TDRD6: variants seen among roughly 807,000 people sequenced by gnomAD.
TDRD6 encodes tudor domain containing 6, also known as tudor domain-containing protein 6.
TDRD6 carries 186 observed loss-of-function variants against 157.5 expected under a neutral mutation model. The observed-to-expected ratio is 1.18, with a 90% CI of 1.05 to 1.33. The LOEUF (loss-of-function observed/expected upper bound fraction) is 1.33. Ranked by LOEUF, TDRD6 falls within the 40% of genes most tolerant of loss-of-function variation. The pLI, the probability that TDRD6 is intolerant of heterozygous loss-of-function variation, is 0.00. For missense variants in TDRD6, 3,066 were observed against 2,508.0 expected (o/e 1.22, Z -4.75); for synonymous variants, 1,075 against 945.2 (o/e 1.14, Z -2.52).
rs1357677088 is a variant in TDRD6 at position 46,687,910 on chromosome 6, G to C, written c.-219G>C. On this transcript the variant is annotated 5_prime_UTR_variant, in exon 1 of 4. Transcript: ENST00000316081. Reference sequence around the variant, plus strand: ...GTGCCCGGAAGCGCGACCTCGGGCGGTTGGAGGGGCTACCGGGTCTTACCA... The same window carrying C: ...GTGCCCGGAAGCGCGACCTCGGGCGCTTGGAGGGGCTACCGGGTCTTACCA... 3.1e-6 allele frequency: 2 copies of C among 642,212 alleles called. No individual in the cohort carries two copies. The highest frequency in any genetic ancestry group is 1.9e-5 in the African/African-American group (1 of 51,340). 39.8% of individuals were successfully genotyped at this position (642,212 alleles called of 1,614,324 possible).
In TDRD6 at chr6:46,703,200, G is replaced by C. The variant is rs990697521; in HGVS notation, c.*1313G>C. The C allele has an allele frequency of 6.6e-6, 1 of 152,042 alleles. No individual in the cohort carries two copies. Among genetic ancestry groups the C allele is most frequent in the African/African-American group, 2.4e-5 (1 of 41,424 alleles). The allele number at this position is 152,042 out of a possible 1,614,324, so 9.4% of individuals were successfully genotyped here. A position where few individuals can be genotyped will look rare whatever the true frequency, so the allele number is the denominator to read the frequency against. On this transcript the variant is annotated 3_prime_UTR_variant, in exon 4 of 4. Coordinates refer to ENST00000316081, the MANE Select transcript of TDRD6 (RefSeq NM_001010870.3). Reference sequence around the variant, plus strand: ...AAAAGGTTTGCTAAATGAGACTGGGGTAAAGGTGTATCTCTGTGAAGCATT... The same window carrying C: ...AAAAGGTTTGCTAAATGAGACTGGGCTAAAGGTGTATCTCTGTGAAGCATT...
rs745464205 is a variant in TDRD6, at chr6:46,691,710, T to G, written c.3582T>G (p.Tyr1194Ter). ...NENMKLPCTE[Y>*]LSKSVGYKLP... ...ATATGAAGTTGCCATGTACAGAGTA[T>G]TTAAGTAAATCAGTAGGGTACAAGT... Residue 1194 changes from tyrosine (Y) to a stop codon, truncating the protein, a stop_gained, in exon 1 of 4, where the codon TAT becomes TAG. Coordinates refer to ENST00000316081, the MANE Select transcript of TDRD6 (RefSeq NM_001010870.3). LOFTEE classifies it high-confidence loss of function. The G allele has an allele frequency of 6.2e-7, 1 of 1,607,594 alleles. No homozygotes were observed. Among genetic ancestry groups the G allele is most frequent in the South Asian group, 1.1e-5 (1 of 89,868 alleles).
chr6:46,683,456 T>C (rs1480377754), upstream of TDRD6, among the ~76,000 whole-genome samples: 2 of 151,958 alleles, frequency 1.3e-5, no homozygotes, highest in Non-Finnish European at 2.9e-5. Context: ...CAAAATAAAC[T>C]ACCATTTAGA....
intron 3 of TDRD6, among the ~76,000 whole-genome samples, chr6:46,700,522 T>C (rs1764599579): frequency 6.6e-6 from 1 of 152,208 alleles, no homozygotes; most frequent in Admixed American, 6.5e-5. Flanking sequence ...ATCTGAGTTA[T>C]TTTATTTTAC....
Position 46,690,987 on chromosome 6 carries a change from A to C in TDRD6, c.2859A>C (p.Glu953Asp). 6.2e-7 allele frequency: 1 copy of C among 1,614,116 alleles called. No homozygotes were observed. Among genetic ancestry groups the C allele is most frequent in the Non-Finnish European group, 8.5e-7 (1 of 1,179,994 alleles). The change falls in exon 1 of 4, where the codon GAA becomes GAC. Residue 953 changes from glutamate to aspartate, a missense_variant. Transcript: ENST00000316081. ...AGAGTGCATGCCATTTCTTGGTAGAAAAGAGACTTGCAAGACCAGTAAAAC... is the reference window on the plus strand; with the variant it reads ...AGAGTGCATGCCATTTCTTGGTAGACAAGAGACTTGCAAGACCAGTAAAAC... ...PFQSACHFLVEKRLARPVKLQ... is the reference protein window; with the variant it reads ...PFQSACHFLVDKRLARPVKLQ...
At position 46,689,397 on chromosome 6, in the gene TDRD6, G is replaced by T; in HGVS notation, c.1269G>T (p.Leu423=). 6.2e-7 allele frequency: 1 copy of T among 1,613,782 alleles called. No homozygotes were observed. The highest frequency in any genetic ancestry group is 8.5e-7 in the Non-Finnish European group (1 of 1,180,022). Residue 423 remains leucine (L), a synonymous_variant, in exon 1 of 4, where the codon CTG becomes CTT. Transcript: ENST00000316081. ...TTGAGCATGTGTATTATGTCAGCCT[G>T]TATGGAGAAGATGGGATTAATCTGA... ...CSFEHVYYVS[L]YGEDGINLNR...
rs780072705 is a variant in TDRD6, at chr6:46,688,143, C to G, written c.15C>G (p.Pro5=). 1.5e-4 allele frequency: 227 copies of G among 1,539,922 alleles called. 1 individual carries two copies. The highest frequency in any genetic ancestry group is 9.1e-4 in the Middle Eastern group (4 of 4,376). The change falls in exon 1 of 4, where the codon CCC becomes CCG. Residue 5 remains proline, a synonymous_variant. Coordinates refer to ENST00000316081, the MANE Select transcript of TDRD6 (RefSeq NM_001010870.3). ...GCGCCGTCAAGATGTGCTCGACGCC[C>G]GGAATGCCGGCGCCGGGGGCCTCGC... MCST[P]GMPAPGASLA...
chr6:46,703,184 G>C lies in TDRD6; in HGVS notation c.*1297G>C, dbSNP rs925129725. 6.6e-6 allele frequency: 1 copy of C among 152,180 alleles called. No homozygotes were observed. Among genetic ancestry groups the C allele is most frequent in the Non-Finnish European group, 1.5e-5 (1 of 67,950 alleles). 9.4% of individuals were successfully genotyped at this position (152,180 alleles called of 1,614,324 possible). A position where few individuals can be genotyped will look rare whatever the true frequency, so the allele number is the denominator to read the frequency against. Reference sequence around the variant, plus strand: ...TCTAAAATGAATAGGGAAAAGGTTTGCTAAATGAGACTGGGGTAAAGGTGT... The same window carrying C: ...TCTAAAATGAATAGGGAAAAGGTTTCCTAAATGAGACTGGGGTAAAGGTGT... On this transcript the variant is annotated 3_prime_UTR_variant, in exon 4 of 4. Coordinates refer to ENST00000316081, the MANE Select transcript of TDRD6 (RefSeq NM_001010870.3).
At chr6:46,698,345 A>T (rs113379149) in intron 3 of TDRD6, among the ~76,000 whole-genome samples, 10 of 152,228 alleles carry the variant, frequency 6.6e-5, no homozygotes, top group East Asian at 1.9e-4. Flanking sequence ...TACATATTAG[A>T]TGCAGAAAAC....
Position 46,692,289 on chromosome 6 carries a change from T to G in TDRD6, c.4161T>G (p.Phe1387Leu), listed in dbSNP as rs142766401. 1,960 of 1,614,184 alleles carry G rather than the reference T, an allele frequency of 1.2e-3. 6 individuals are homozygous for G. The highest frequency in any genetic ancestry group is 1.5e-3 in the Non-Finnish European group (1,782 of 1,180,012). ...CCAATGACCTTCTCTCTGTGCAGTT[T>G]ATAGATTATGGCAATGTTTCTGTGG... ...QQPNDLLSVQ[F>L]IDYGNVSVVH... The change falls in exon 1 of 4, where the codon TTT becomes TTG. Residue 1387 changes from phenylalanine (F) to leucine (L), a missense_variant. Transcript: ENST00000316081.
chr6:46,689,260 T>A lies in TDRD6; in HGVS notation c.1132T>A (p.Leu378Met). 6.2e-7 allele frequency: 1 copy of A among 1,614,040 alleles called. No individual in the cohort carries two copies. The highest frequency in any genetic ancestry group is 1.1e-5 in the South Asian group (1 of 91,062). ...GCCGGTGGTGACCTACCCTTGTGCTTTGTATGGACTCTGGGACGGTGGGAG... is the reference window on the plus strand; with the variant it reads ...GCCGGTGGTGACCTACCCTTGTGCTATGTATGGACTCTGGGACGGTGGGAG... ...RMPVVTYPCA[L>M]YGLWDGGRGW... Residue 378 changes from leucine (L) to methionine (M), a missense_variant, in exon 1 of 4, where the codon TTG becomes ATG. Physicochemically the swap from Leu to Met is conservative, Grantham distance 15. Coordinates refer to ENST00000316081, the MANE Select transcript of TDRD6 (RefSeq NM_001010870.3).
chr6:46,700,255 G>A (rs1254682660), intron 3 of TDRD6, among the ~76,000 whole-genome samples: 7 of 152,114 alleles, frequency 4.6e-5, no homozygotes, highest in African/African-American at 1.4e-4. Context: ...AACTACCTCT[G>A]GCTTTGACTA....
At position 46,694,148 on chromosome 6, in the gene TDRD6, A is replaced by G. The variant is rs761845673; in HGVS notation, c.6020A>G (p.Asn2007Ser). ...EEESSDGSKH[N>S]NGLPDHISAQ... is the part of the protein sequence containing the mutation. Reference sequence around the variant, plus strand: ...GAAAGCAGTGATGGAAGCAAGCACAATAATGGTTTACCAGATCATATCTCA... The same window carrying G: ...GAAAGCAGTGATGGAAGCAAGCACAGTAATGGTTTACCAGATCATATCTCA... The change falls in exon 1 of 4, where the codon AAT becomes AGT. Residue 2007 changes from asparagine to serine, a missense_variant. Physicochemically the swap from Asn to Ser is conservative, Grantham distance 46. Coordinates refer to ENST00000316081, the MANE Select transcript of TDRD6 (RefSeq NM_001010870.3). 2 of 1,574,356 alleles carry G rather than the reference A, an allele frequency of 1.3e-6. No individual in the cohort carries two copies. Among genetic ancestry groups the G allele is most frequent in the South Asian group, 1.2e-5 (1 of 83,612 alleles).
At position 46,698,040 on chromosome 6, in the gene TDRD6, G is replaced by A; in HGVS notation, c.6214G>A (p.Glu2072Lys). 6.2e-7 allele frequency: 1 copy of A among 1,611,686 alleles called. No homozygotes were observed. Residue 2072 changes from glutamate to lysine, a missense_variant, in exon 3 of 4, where the codon GAG (glutamate) becomes AAG (lysine). Coordinates refer to ENST00000316081, the MANE Select transcript of TDRD6 (RefSeq NM_001010870.3). ...SNGMEEIVNP[E>K]NVWNGIPKLD... ...TGGTATGGAGGAGATAGTGAACCCT[G>A]AGAATGTCTGGAATGGCATACCCAA...
At chr6:46,700,989 CT>C in intron 3 of TDRD6, 1 of 437,514 alleles carries the variant, frequency 2.3e-6, no homozygotes, top group Admixed American at 2.7e-5. Flanking sequence ...TCAAAGGTTC[CT>C]TTTGTTAGGC....
In TDRD6 at chr6:46,690,085, G is replaced by GAAGAAAACATTAGTAAGGT; in HGVS notation, c.1960_1978dup (p.Ile660ArgfsTer4). 6.2e-7 allele frequency: 1 copy of GAAGAAAACATTAGTAAGGT among 1,613,978 alleles called. No individual in the cohort carries two copies. The highest frequency in any genetic ancestry group is 8.5e-7 in the Non-Finnish European group (1 of 1,179,998). ...GATTCTTGACGAATCAAGAACAGGG[G>GAAGAAAACATTAGTAAGGT]AAGAAAACATTAGTAAGGTAATTGC... is the stretch of plus-strand genomic sequence containing the variant. On this transcript the variant is annotated frameshift_variant, in exon 1 of 4. Transcript: ENST00000316081. LOFTEE classifies it high-confidence loss of function.
rs1333160444 is a variant in TDRD6, at chr6:46,689,069, G to C, written c.941G>C (p.Gly314Ala). 6.2e-7 allele frequency: 1 copy of C among 1,614,126 alleles called. No individual in the cohort carries two copies. The highest frequency in any genetic ancestry group is 1.1e-5 in the South Asian group (1 of 91,082). ...AGGGAGGAGAGCCCAGATAAGCCGG[G>C]CTCTCCGTGTGCATCCTGTGGCCTG... The part of the protein sequence containing the change: ...EEREESPDKP[G>A]SPCASCGLDG... Residue 314 changes from glycine (G) to alanine (A), a missense_variant, in exon 1 of 4, where the codon GGC (glycine) becomes GCC (alanine). By Grantham distance (60) the Gly-to-Ala change is moderately conservative. Coordinates refer to ENST00000316081, the MANE Select transcript of TDRD6 (RefSeq NM_001010870.3).
chr6:46,700,515 TGA>T (rs1440937298), intron 3 of TDRD6, among the ~76,000 whole-genome samples: 2 of 152,198 alleles, frequency 1.3e-5, no homozygotes, highest in Admixed American at 1.3e-4. Context: ...GTTTCTTATC[TGA>T]GTTATTTTAT....
At chr6:46,681,867 T>C in the TDRD6 span, among the ~76,000 whole-genome samples, 2 of 152,058 alleles carry the variant, frequency 1.3e-5, no homozygotes, top group African/African-American at 4.8e-5. Flanking sequence ...GGTACTAGAA[T>C]AATGAAAATT....
Sources: allele counts gnomAD v4.1 joint callset (sites outside exome capture counted in the v4.1 genomes callset), GRCh38; gene constraint gnomAD v4.1.1; transcripts MANE v1.5; gene names NCBI Gene and HGNC (gene_info 2026-07-23, HGNC 2026-07-21).